The following SYNE1 variants were observed in gnomAD, a reference collection of about 807,000 sequenced individuals.
The protein encoded by SYNE1 is nesprin-1.
A neutral mutation model predicts 1,111.0 loss-of-function variants in SYNE1; 616 were observed. That is an observed-to-expected ratio of 0.55 (90% CI 0.52 to 0.59). The LOEUF (loss-of-function observed/expected upper bound fraction) is 0.59, where lower values mean the gene tolerates loss of function less well. SYNE1 is among the 20% of genes least tolerant of loss of function. SYNE1 has a pLI of 0.00. For synonymous variants in SYNE1, 3,855 were observed against 3,825.8 expected (o/e 1.01, Z -0.28); for missense variants, 10,006 against 10,417.0 (o/e 0.96, Z 1.72).
chr6:152,353,572 C>A lies in SYNE1; in HGVS notation c.11082+17G>T. 1.2e-6 allele frequency: 2 copies of A among 1,614,160 alleles called. No individual in the cohort carries two copies. The highest frequency in any genetic ancestry group is 1.7e-4 in the Middle Eastern group (1 of 6,046). Reference sequence around the variant, plus strand: ...GAAGTTTGCTGGTCTATGCTGAGCACCTGGTGACCCACTCACCAGCACTTG... The same window carrying A: ...GAAGTTTGCTGGTCTATGCTGAGCAACTGGTGACCCACTCACCAGCACTTG... On this transcript the variant is annotated intron_variant, in intron 68 of 145. Coordinates refer to ENST00000367255, the MANE Select transcript of SYNE1 (RefSeq NM_182961.4).
intron 10 of SYNE1, among the ~76,000 whole-genome samples, chr6:152,499,058 G>A (rs754433385): frequency 1.3e-5 from 2 of 151,902 alleles, no homozygotes; most frequent in Admixed American, 6.6e-5. Flanking sequence ...AACATATCTC[G>A]AAATAACATT....
intron 11 of SYNE1, among the ~76,000 whole-genome samples, 155 bp from the exon 12 acceptor site, chr6:152,488,658 T>TA (rs1312089954): frequency 6.6e-6 from 1 of 152,090 alleles, no homozygotes; most frequent in Non-Finnish European, 1.5e-5. Flanking sequence ...TTTAGGACAG[T>TA]AAGAAGCAAA....
chr6:152,416,469 G>T lies in SYNE1; in HGVS notation c.5968C>A (p.Leu1990Ile). The T allele has an allele frequency of 6.2e-7, 1 of 1,614,090 alleles. No homozygotes were observed. Among genetic ancestry groups the T allele is most frequent in the Non-Finnish European group, 8.5e-7 (1 of 1,180,028 alleles). Residue 1990 changes from leucine (L) to isoleucine (I), a missense_variant, in exon 41 of 146, where the codon CTT (leucine) becomes ATT (isoleucine). Physicochemically the swap from Leu to Ile is conservative, Grantham distance 5. This residue lies in a region of SYNE1 where 4,955 missense variants were observed against 5,017.2 expected (regional missense o/e 0.99). Transcript: ENST00000367255. Reference sequence around the variant, plus strand: ...TCAATGTCCTCAATGCTTTTCAGAAGCTCCTCTTTCTGGTCTTGGAATGCT... The same window carrying T: ...TCAATGTCCTCAATGCTTTTCAGAATCTCCTCTTTCTGGTCTTGGAATGCT... The part of the protein sequence containing the change: ...KKAFQDQKEE[L>I]LKSIEDIEER...
intron 130 of SYNE1, among the ~76,000 whole-genome samples, chr6:152,166,290 T>G (rs2063640404): frequency 6.6e-6 from 1 of 152,226 alleles, no homozygotes; most frequent in Non-Finnish European, 1.5e-5. Flanking sequence ...TGCACTAAAC[T>G]GGGTACTGTT....
intron 3 of SYNE1, among the ~76,000 whole-genome samples, chr6:152,598,079 T>C (rs1273600899): frequency 5.9e-5 from 9 of 152,146 alleles, no homozygotes; most frequent in Non-Finnish European, 1.3e-4. Flanking sequence ...CAGGCTCAGA[T>C]ATACAGATTC....
chr6:152,560,787 C>T (rs1490771881), intron 3 of SYNE1, among the ~76,000 whole-genome samples: 1 of 151,928 alleles, frequency 6.6e-6, no homozygotes, highest in Non-Finnish European at 1.5e-5. Context: ...ATGTGATATA[C>T]CATAATAATA....
chr6:152,583,238 C>T lies in SYNE1; in HGVS notation c.68-43217G>A, dbSNP rs183982015. Among the ~76,000 whole-genome samples the T allele has an allele frequency of 1.1e-3, 169 of 152,166 alleles. 1 individual carries two copies. Among genetic ancestry groups the T allele is most frequent in the Admixed American group, 2.7e-3 (41 of 15,278 alleles). On this transcript the variant is annotated intron_variant, in intron 3 of 145. Coordinates refer to ENST00000367255, the MANE Select transcript of SYNE1 (RefSeq NM_182961.4). ...GTGTGTTGGGACTTCTAGTGTGCCC[C>T]GGCTTCATGCGTCACATCCTAAAAT... is the stretch of plus-strand genomic sequence containing the variant.
rs779262874 is a variant in SYNE1 at position 152,300,597 on chromosome 6, T to A, written c.17682+44A>T. ...TGGAAACAGAGAATGGAGTCCTGCA[T>A]CTGCCCAGAGATTATTGCTAGAGGA... is the stretch of plus-strand genomic sequence containing the variant. On this transcript the variant is annotated intron_variant, in intron 93 of 145. Transcript: ENST00000367255. 6 of 1,613,414 alleles carry A rather than the reference T, an allele frequency of 3.7e-6. No individual in the cohort carries two copies. In the African/African-American group the frequency reaches 5.3e-5, roughly 14 times the overall value.
intron 91 of SYNE1, among the ~76,000 whole-genome samples, chr6:152,303,390 G>A (rs2153817540): frequency 7.1e-6 from 1 of 141,230 alleles, no homozygotes; most frequent in African/African-American, 2.6e-5. Flanking sequence ...GCAACAGAGT[G>A]AGACTCTGTC....
At chr6:152,622,230 A>G (rs1303950675) in intron 3 of SYNE1, among the ~76,000 whole-genome samples, 2 of 152,170 alleles carry the variant, frequency 1.3e-5, no homozygotes, top group African/African-American at 4.8e-5. Context: ...TGTTTTAATA[A>G]GAAGAGTCAT....
intron 63 of SYNE1, among the ~76,000 whole-genome samples, chr6:152,363,310 C>A (rs901627005): frequency 2.0e-5 from 3 of 148,722 alleles, no homozygotes; most frequent in Non-Finnish European, 3.0e-5. Flanking sequence ...CTGGCTAACA[C>A]AGTGAAACCC....
chr6:152,225,776 A>G lies in SYNE1; in HGVS notation c.21296T>C (p.Ile7099Thr). The change falls in exon 116 of 146, where the codon ATT becomes ACT. Residue 7099 changes from isoleucine to threonine, a missense_variant. By Grantham distance (89) the Ile-to-Thr change is moderately conservative (BLOSUM62 -1). This residue lies in a region of SYNE1 where 2,182 missense variants were observed against 2,287.8 expected (regional missense o/e 0.95). Transcript: ENST00000367255. The part of the protein sequence containing the change: ...IQNKKEDVSS[I>T]VMSTLRELGQ... ...GAGCTCTCGCAGTGTGCTCATGACA[A>G]TGCTAGAGACGTCTTCTTTCTTGTT... 3 of 1,614,118 alleles carry G rather than the reference A, an allele frequency of 1.9e-6. No individual in the cohort carries two copies. The highest frequency in any genetic ancestry group is 2.5e-6 in the Non-Finnish European group (3 of 1,179,998).
chr6:152,609,928 A>G (rs1245874655), intron 3 of SYNE1, among the ~76,000 whole-genome samples: 2 of 152,250 alleles, frequency 1.3e-5, no homozygotes, highest in Non-Finnish European at 2.9e-5. Flanking sequence ...GAAAACTAAC[A>G]AACAGAAAGG....
chr6:152,407,121 T>C lies in SYNE1; in HGVS notation c.6616A>G (p.Arg2206Gly). 1 of 1,614,054 alleles carries C rather than the reference T, an allele frequency of 6.2e-7. No homozygotes were observed. Among genetic ancestry groups the C allele is most frequent in the Non-Finnish European group, 8.5e-7 (1 of 1,180,006 alleles). Residue 2206 changes from arginine (R) to glycine (G), a missense_variant, in exon 45 of 146, where the codon AGA (arginine) becomes GGA (glycine). This residue lies in a region of SYNE1 where 4,955 missense variants were observed against 5,017.2 expected (regional missense o/e 0.99). Transcript: ENST00000367255. ...TTTGACCATCCCTCAATCTCATCTC[T>C]AGTTGACAGTACATCATCCCAAATG... ...LSIWDDVLST[R>G]DEIEGWSNNC...
At chr6:152,431,370 C>G (rs1466965392) in intron 34 of SYNE1, among the ~76,000 whole-genome samples, 1 of 152,158 alleles carries the variant, frequency 6.6e-6, no homozygotes, top group Non-Finnish European at 1.5e-5. Flanking sequence ...ATCCAGGGAC[C>G]TCATTGCTAT....
chr6:152,267,538 G>A (rs947480608), intron 100 of SYNE1, among the ~76,000 whole-genome samples: 1 of 152,082 alleles, frequency 6.6e-6, no homozygotes, highest in African/African-American at 2.4e-5. Flanking sequence ...ATTCCTCTAT[G>A]ACCTTTTAAA....
chr6:152,539,843 C>T, intron 4 of SYNE1, 117 bp downstream of exon 4: 2 of 1,114,962 alleles, frequency 1.8e-6, no homozygotes, highest in Non-Finnish European at 2.8e-6. Flanking sequence ...AATAAGATTA[C>T]AGTATCATTG....
intron 28 of SYNE1, among the ~76,000 whole-genome samples, chr6:152,448,452 C>T (rs1014110467): frequency 2.0e-5 from 3 of 151,956 alleles, no homozygotes; most frequent in African/African-American, 4.8e-5. Flanking sequence ...TTTTTTTGTG[C>T]GATGCAAGCA....
chr6:152,122,473 G>T lies in SYNE1; in HGVS notation c.26357C>A (p.Pro8786His). 1 of 1,614,162 alleles carries T rather than the reference G, an allele frequency of 6.2e-7. No individual in the cohort carries two copies. Among genetic ancestry groups the T allele is most frequent in the Non-Finnish European group, 8.5e-7 (1 of 1,180,034 alleles). Residue 8786 changes from proline (P) to histidine (H), a missense_variant, in exon 146 of 146, where the codon CCC (proline) becomes CAC (histidine). Pro to His is a moderately conservative substitution (Grantham distance 77). Transcript: ENST00000367255. ...LSNNFARSFH[P>H]MLRYTNGPPP... ...AGGGCCATTCGTGTATCTGAGCATG[G>T]GGTGGAATGACCGGGCAAAGTTGTT...
Sources: gnomAD v4.1 joint callset for allele counts (sites outside exome capture counted in the v4.1 genomes callset) on GRCh38, gnomAD v4.1.1 for gene constraint, gnomAD v4.1.1 regional missense constraint, MANE v1.5 for transcripts, NCBI Gene and HGNC (gene_info 2026-07-23, HGNC 2026-07-21) for gene names.